Variants in ESYT3 observed in about 807,000 individuals in gnomAD.
ESYT3 encodes the protein extended synaptotagmin 3.
In ESYT3, 101 loss-of-function variants were observed where a neutral mutation model predicts 111.5. The observed-to-expected ratio is 0.91, with a 90% CI of 0.77 to 1.07. The LOEUF (loss-of-function observed/expected upper bound fraction) is 1.07. Among genes scored for constraint, ESYT3 ranks in the 50% least tolerant of loss-of-function variants. ESYT3 has a pLI of 0.00. For missense variants in ESYT3, 1,097 were observed against 1,109.4 expected, an observed-to-expected ratio of 0.99 and a Z score of 0.16; for synonymous variants, 416 against 446.8, an observed-to-expected ratio of 0.93 and a Z score of 0.87.
rs373722262 is a variant in ESYT3, at chr3:138,457,656, C to A, written c.581+12C>A. On this transcript the variant is annotated intron_variant, in intron 4 of 22. Transcript: ENST00000389567. ...GACCTGCAGATCTGGTGAGCTCTAT[C>A]GGGCTGGGTATGGGCTTCGGGGTGC... The A allele has an allele frequency of 8.7e-6, 14 of 1,613,808 alleles. No individual in the cohort carries two copies. In the Admixed American group the frequency reaches 1.2e-4, roughly 13 times the overall value.
intron 14 of ESYT3, 129 bp from the exon 15 acceptor site, chr3:138,469,307 G>A (rs1029249496): frequency 1.8e-5 from 14 of 782,526 alleles, no homozygotes; most frequent in Non-Finnish European, 2.8e-5. Context: ...CATTAGAGTA[G>A]CTTTCTCTCA....
rs142455731 is a variant in ESYT3, at chr3:138,452,904, G to A, written c.369+815G>A. Among the ~76,000 whole-genome samples the A allele has an allele frequency of 4.3e-4, 66 of 152,276 alleles. No individual in the cohort carries two copies. In the East Asian group the frequency reaches 0.01, roughly 24 times the overall value. On this transcript the variant is annotated intron_variant, in intron 2 of 22. Transcript: ENST00000389567. ...GATTGCTGTTTTCACATTACCAGAC[G>A]TGTCATTGCTGAGTGCATCAAAAAG... is the stretch of plus-strand genomic sequence containing the variant.
intron 1 of ESYT3, among the ~76,000 whole-genome samples, chr3:138,449,094 T>C (rs945909806): frequency 3.4e-4 from 50 of 146,038 alleles, no homozygotes; most frequent in Admixed American, 2.2e-3. Context: ...TTTTTTTTTT[T>C]TTTTTTTTGA....
chr3:138,449,082 CTTTTTTTTT>C (rs398040196), intron 1 of ESYT3, among the ~76,000 whole-genome samples: 1 of 113,122 alleles, frequency 8.8e-6, no homozygotes, highest in Non-Finnish European at 1.8e-5. Flanking sequence ...CTTTCTTTTT[CTTTTTTTTT>C]TTTTTTTTTT....
chr3:138,459,122 C>T, intron 4 of ESYT3, 65 bp from the exon 5 acceptor site: 1 of 1,377,904 alleles, frequency 7.3e-7, no homozygotes. Flanking sequence ...GGCAAGTTTC[C>T]CAACCTTTCT....
chr3:138,470,184 G>C (rs2033147281), intron 16 of ESYT3, 38 bp downstream of exon 16: 2 of 1,603,404 alleles, frequency 1.2e-6, no homozygotes, highest in Admixed American at 3.4e-5. Context: ...AGAGTTAAGA[G>C]GTTTTTAAGC....
chr3:138,460,557 C>T, intron 6 of ESYT3, 54 bp from the exon 7 acceptor site: 4 of 1,584,594 alleles, frequency 2.5e-6, no homozygotes, highest in Non-Finnish European at 3.5e-6. Context: ...AGGGGGTTCT[C>T]AGCCCTGGGC....
chr3:138,480,742 G>T (rs1447906346), downstream of ESYT3: 1 of 152,172 alleles, frequency 6.6e-6, no homozygotes, highest in Non-Finnish European at 1.5e-5. Context: ...TATGTTTAAT[G>T]AAAGCCCAAT....
intron 10 of ESYT3, among the ~76,000 whole-genome samples, chr3:138,466,021 A>G (rs1173847689): frequency 6.6e-6 from 1 of 152,228 alleles, no homozygotes; most frequent in Non-Finnish European, 1.5e-5. Flanking sequence ...TGAATGTTTG[A>G]ATACATTTTC....
chr3:138,474,480 G>A, intron 20 of ESYT3, 128 bp downstream of exon 20: 2 of 1,083,146 alleles, frequency 1.8e-6, no homozygotes, highest in Non-Finnish European at 2.5e-6. Context: ...CATAGTCTAT[G>A]ACTTCATGAA....
At chr3:138,468,072 C>G in intron 11 of ESYT3, 33 bp from the exon 12 acceptor site, 1 of 1,608,872 alleles carries the variant, frequency 6.2e-7, no homozygotes, top group Non-Finnish European at 8.5e-7. Context: ...CTCCCTGGCC[C>G]TTTTCCCTGA....
At chr3:138,476,668 C>G (rs2033497771) in intron 22 of ESYT3, 150 bp from the exon 23 acceptor site, 1 of 1,039,614 alleles carries the variant, frequency 9.6e-7, no homozygotes, top group Non-Finnish European at 1.5e-6. Flanking sequence ...TAAACTCTAG[C>G]CTTAACCCTG....
intron 11 of ESYT3, 46 bp from the exon 12 acceptor site, chr3:138,468,059 C>T (rs1484678762): frequency 1.3e-6 from 2 of 1,552,702 alleles, no homozygotes; most frequent in East Asian, 2.2e-5. Context: ...GCATCAGTAG[C>T]ATCTCCCTGG....
chr3:138,473,603 C>G lies in ESYT3; in HGVS notation c.2305C>G (p.Arg769Gly). ...CACAGTGCGCTATGTGTGTCTGCGG[C>G]GCTGCCTCAGCGTGCTAATCAATGG... is the stretch of plus-strand genomic sequence containing the variant. ...QLTVRYVCLRRCLSVLINGCR... is the reference protein window; with the variant it reads ...QLTVRYVCLRGCLSVLINGCR... Residue 769 changes from arginine to glycine, a missense_variant, in exon 19 of 23, where the codon CGC (arginine) becomes GGC (glycine). Arg to Gly is a moderately radical substitution (Grantham distance 125). Transcript: ENST00000389567. The G allele has an allele frequency of 6.2e-7, 1 of 1,613,768 alleles. No individual in the cohort carries two copies. Among genetic ancestry groups the G allele is most frequent in the Non-Finnish European group, 8.5e-7 (1 of 1,179,830 alleles).
In ESYT3 at chr3:138,440,459, C is replaced by T. The variant is rs2031062658; in HGVS notation, c.327+5334C>T. Reference sequence around the variant, plus strand: ...TTCAGTTAATTAGAGGAAGTAAATGCAGTGACAGCTCTGAGCTAGCCTGGG... The same window carrying T: ...TTCAGTTAATTAGAGGAAGTAAATGTAGTGACAGCTCTGAGCTAGCCTGGG... On this transcript the variant is annotated intron_variant, in intron 1 of 22. Transcript: ENST00000389567. This position sits in a 1 kb window ranked among gnomAD's most constrained non-coding sequence, Gnocchi z 4.2. Among the ~76,000 whole-genome samples the T allele has an allele frequency of 6.6e-6, 1 of 152,224 alleles. No homozygotes were observed. The highest frequency in any genetic ancestry group is 1.5e-5 in the Non-Finnish European group (1 of 68,048).
At position 138,465,427 on chromosome 3, in the gene ESYT3, G is replaced by A. The variant is rs1229070128; in HGVS notation, c.1169+6G>A. The stretch of plus-strand genomic sequence containing the variant: ...AGGGATGACTTCCTGGGCAGGTGAG[G>A]AGGAGGGCGCACAGCTGGGCCTGGA... On this transcript the variant is annotated splice_donor_region_variant and intron_variant, in intron 10 of 22. Coordinates refer to ENST00000389567, the MANE Select transcript of ESYT3 (RefSeq NM_031913.5). The A allele has an allele frequency of 6.3e-7, 1 of 1,584,462 alleles. No individual in the cohort carries two copies. Among genetic ancestry groups the A allele is most frequent in the African/African-American group, 1.3e-5 (1 of 74,706 alleles).
At position 138,457,606 on chromosome 3, in the gene ESYT3, G is replaced by A. The variant is rs376570171; in HGVS notation, c.543G>A (p.Thr181=). ...RVNGVKAHTN[T]CNRRRVTVDL... ...ACGGTGTCAAGGCACACACTAATAC[G>A]TGCAACCGAAGACGTGTGACTGTGG... The change falls in exon 4 of 23, where the codon ACG becomes ACA. Residue 181 remains threonine, a synonymous_variant. Coordinates refer to ENST00000389567, the MANE Select transcript of ESYT3 (RefSeq NM_031913.5). 2.1e-5 allele frequency: 34 copies of A among 1,614,028 alleles called. No homozygotes were observed. Among genetic ancestry groups the A allele is most frequent in the Admixed American group, 3.3e-5 (2 of 60,010 alleles).
At position 138,440,122 on chromosome 3, in the gene ESYT3, GAC is replaced by G. The variant is rs1405598400; in HGVS notation, c.327+5001_327+5002del. 1.3e-5 allele frequency among the ~76,000 whole-genome samples: 2 copies of G among 152,158 alleles called. No homozygotes were observed. Among genetic ancestry groups the G allele is most frequent in the Non-Finnish European group, 2.9e-5 (2 of 68,016 alleles). On this transcript the variant is annotated intron_variant, in intron 1 of 22. Coordinates refer to ENST00000389567, the MANE Select transcript of ESYT3 (RefSeq NM_031913.5). The surrounding 1 kb of genome is among the most constrained non-coding windows in gnomAD (Gnocchi z 4.2). Reference sequence around the variant, plus strand: ...AGTCCCGAGCCTGCTTTTCTCTGGTGACACATACCCCACAGGACCCCACTCGC... The same window carrying G: ...AGTCCCGAGCCTGCTTTTCTCTGGTGACATACCCCACAGGACCCCACTCGC...
At chr3:138,436,692 C>T (rs779153549) in intron 1 of ESYT3, among the ~76,000 whole-genome samples, 2 of 152,164 alleles carry the variant, frequency 1.3e-5, no homozygotes, top group Non-Finnish European at 2.9e-5. Context: ...GCTTGTGATT[C>T]TGAAAGGTGT....
Sources: allele counts gnomAD v4.1 joint callset (sites outside exome capture counted in the v4.1 genomes callset), GRCh38; gene constraint gnomAD v4.1.1; non-coding constraint Gnocchi (gnomAD v3.1); transcripts MANE v1.5; gene names NCBI Gene and HGNC (gene_info 2026-07-23, HGNC 2026-07-21).